Variants in PARD3B observed in about 807,000 individuals in gnomAD.
The protein encoded by PARD3B is partitioning defective 3 homolog B.
PARD3B carries 103 observed loss-of-function variants against 130.2 expected under a neutral mutation model. The ratio of observed to expected loss-of-function variants is 0.79; its 90% CI spans 0.67 to 0.93. The LOEUF is 0.93. Ranked by LOEUF, PARD3B falls within the 40% of genes least tolerant of loss-of-function variation. The probability of loss-of-function intolerance (pLI) is 0.00; values close to 1 mark genes in which losing one functional copy is unlikely to be tolerated. For synonymous variants in PARD3B, 583 were observed against 553.2 expected, an observed-to-expected ratio of 1.05 and a Z score of -0.76; for missense variants, 1,609 against 1,499.2, an observed-to-expected ratio of 1.07 and a Z score of -1.21.
rs1260745888 is a variant in PARD3B, at chr2:205,291,884, A to G, written c.2186-8646A>G. Among the ~76,000 whole-genome samples, 5 of 152,234 alleles carry G rather than the reference A, an allele frequency of 3.3e-5. No individual in the cohort carries two copies. The highest frequency in any genetic ancestry group is 5.9e-5 in the Non-Finnish European group (4 of 68,038). On this transcript the variant is annotated intron_variant, in intron 16 of 22. Transcript: ENST00000406610. The surrounding 1 kb of genome is among the most constrained non-coding windows in gnomAD (Gnocchi z 4.6). ...GCCATCTCAGCAGAAGCCAGGAGCT[A>G]TTCTCCAGGACAATGGAAGAATGAC...
chr2:204,764,781 C>T (rs184954175), intron 2 of PARD3B, among the ~76,000 whole-genome samples: 50 of 149,624 alleles, frequency 3.3e-4, no homozygotes, highest in Admixed American at 6.7e-4. Context: ...TAGGCTTGGA[C>T]AGGACAGGCA....
chr2:204,626,057 G>T (rs1348824463), intron 1 of PARD3B, among the ~76,000 whole-genome samples: 5 of 152,014 alleles, frequency 3.3e-5, no homozygotes. Flanking sequence ...GTCATTTTTT[G>T]GAAAATTTAA....
At chr2:205,102,869 C>T (rs920109803) in intron 4 of PARD3B, among the ~76,000 whole-genome samples, 1 of 151,928 alleles carries the variant, frequency 6.6e-6, no homozygotes, top group African/African-American at 2.4e-5. Flanking sequence ...TTGAGACCAT[C>T]CTGGCTAACA....
intron 18 of PARD3B, among the ~76,000 whole-genome samples, chr2:205,349,015 A>G (rs1367770621): frequency 6.6e-6 from 1 of 152,180 alleles, no homozygotes; most frequent in Non-Finnish European, 1.5e-5. Context: ...TTGTATATGT[A>G]CTGGCTCATT....
chr2:205,452,602 G>C (rs1242231072), intron 20 of PARD3B, among the ~76,000 whole-genome samples: 1 of 152,114 alleles, frequency 6.6e-6, no homozygotes, highest in Non-Finnish European at 1.5e-5. Flanking sequence ...AAGAATCTCT[G>C]TGACCAGATA....
intron 3 of PARD3B, among the ~76,000 whole-genome samples, chr2:205,000,336 A>G (rs1011097248): frequency 5.9e-5 from 9 of 152,206 alleles, no homozygotes; most frequent in Non-Finnish European, 1.3e-4. Context: ...GGTGTCACAC[A>G]TAAAATCTGT....
intron 14 of PARD3B, among the ~76,000 whole-genome samples, chr2:205,189,482 C>A (rs912831103): frequency 6.6e-6 from 1 of 152,154 alleles, no homozygotes; most frequent in East Asian, 1.9e-4. Context: ...GCTGAAAACA[C>A]GGCCTTTATC....
chr2:205,265,109 A>C lies in PARD3B; in HGVS notation c.2185+19287A>C, dbSNP rs2040455624. Among the ~76,000 whole-genome samples the C allele has an allele frequency of 1.3e-5, 2 of 151,966 alleles. No individual in the cohort carries two copies. Among genetic ancestry groups the C allele is most frequent in the African/African-American group, 4.8e-5 (2 of 41,420 alleles). On this transcript the variant is annotated intron_variant, in intron 16 of 22. Coordinates refer to ENST00000406610, the MANE Select transcript of PARD3B (RefSeq NM_001302769.2). This position sits in a 1 kb window ranked among gnomAD's most constrained non-coding sequence, Gnocchi z 4.3. Reference sequence around the variant, plus strand: ...TGGCACCAATAGCTTACTTCAAATAAATTAATACTTCATTTTTTAGGCAAG... The same window carrying C: ...TGGCACCAATAGCTTACTTCAAATACATTAATACTTCATTTTTTAGGCAAG...
intron 3 of PARD3B, among the ~76,000 whole-genome samples, chr2:205,031,145 G>A (rs554862401): frequency 3.9e-5 from 6 of 152,242 alleles, no homozygotes; most frequent in Admixed American, 1.3e-4. Flanking sequence ...CTGTGTACGT[G>A]AAAGGAACAA....
chr2:204,817,553 A>T (rs1457366830), intron 2 of PARD3B, among the ~76,000 whole-genome samples: 8 of 152,068 alleles, frequency 5.3e-5, no homozygotes, highest in Admixed American at 5.2e-4. Context: ...GTGCATGTTA[A>T]CACTATTATG....
rs2040949802 is a variant in PARD3B, at chr2:205,276,400, C to G, written c.2186-24130C>G. 6.6e-6 allele frequency among the ~76,000 whole-genome samples: 1 copy of G among 152,180 alleles called. No individual in the cohort carries two copies. The highest frequency in any genetic ancestry group is 1.5e-5 in the Non-Finnish European group (1 of 68,028). On this transcript the variant is annotated intron_variant, in intron 16 of 22. Coordinates refer to ENST00000406610, the MANE Select transcript of PARD3B (RefSeq NM_001302769.2). This position sits in a 1 kb window ranked among gnomAD's most constrained non-coding sequence, Gnocchi z 5.0. ...AGCATTTGTGGTATTTTCCTCCTTT[C>G]TTTTCTTATTTATCCTTAACAGAAG...
chr2:205,487,355 TGTAA>T (rs2049484068), intron 20 of PARD3B, among the ~76,000 whole-genome samples: 1 of 152,200 alleles, frequency 6.6e-6, no homozygotes, highest in South Asian at 2.1e-4. Context: ...AGCATTGTTG[TGTAA>T]GTAAGAAACT....
chr2:205,578,229 G>A (rs1048929747), intron 22 of PARD3B, among the ~76,000 whole-genome samples: 6 of 152,206 alleles, frequency 3.9e-5, no homozygotes, highest in East Asian at 3.9e-4. Context: ...ACAGTGTTAC[G>A]AGTGCATTAG....
intron 2 of PARD3B, among the ~76,000 whole-genome samples, chr2:204,781,282 A>T (rs572594604): frequency 6.6e-6 from 1 of 152,268 alleles, no homozygotes; most frequent in South Asian, 2.1e-4. Flanking sequence ...CAAATTAATG[A>T]CTTTCATGTA....
chr2:204,596,899 C>G (rs911911750), intron 1 of PARD3B, among the ~76,000 whole-genome samples: 34 of 151,336 alleles, frequency 2.2e-4, no homozygotes, highest in Non-Finnish European at 4.4e-4. Context: ...GCCTGGGCAA[C>G]AAGAGAGAAA....
Position 205,530,366 on chromosome 2 carries a change from A to G in PARD3B, c.3181-22958A>G, listed in dbSNP as rs2051536407. Among the ~76,000 whole-genome samples the G allele has an allele frequency of 6.6e-6, 1 of 152,224 alleles. No homozygotes were observed. The highest frequency in any genetic ancestry group is 1.5e-5 in the Non-Finnish European group (1 of 68,052). ...CATCATAAGGATGTTGATGTAATTT[A>G]CATGTAATGCCACTTTGTAGTCAGT... On this transcript the variant is annotated intron_variant, in intron 21 of 22. Transcript: ENST00000406610. This position sits in a 1 kb window ranked among gnomAD's most constrained non-coding sequence, Gnocchi z 4.7.
chr2:204,747,394 A>G (rs2040284484), intron 2 of PARD3B, among the ~76,000 whole-genome samples: 1 of 152,196 alleles, frequency 6.6e-6, no homozygotes, highest in South Asian at 2.1e-4. Context: ...GGACCTCTTC[A>G]AGGGGAACTA....
At chr2:204,578,461 A>T (rs184096620) in intron 1 of PARD3B, among the ~76,000 whole-genome samples, 2 of 152,080 alleles carry the variant, frequency 1.3e-5, no homozygotes, top group South Asian at 4.1e-4. Flanking sequence ...GTATATATAT[A>T]TTTTTTGTGT....
intron 2 of PARD3B, among the ~76,000 whole-genome samples, chr2:204,778,352 A>G (rs1395014084): frequency 6.6e-6 from 1 of 152,172 alleles, no homozygotes; most frequent in African/African-American, 2.4e-5. Flanking sequence ...AAAAAAAAAG[A>G]CACTGGCTGA....
Sources: gnomAD v4.1 joint callset for allele counts (sites outside exome capture counted in the v4.1 genomes callset) on GRCh38, gnomAD v4.1.1 for gene constraint, Gnocchi (gnomAD v3.1) non-coding constraint, MANE v1.5 for transcripts, NCBI Gene and HGNC (gene_info 2026-07-23, HGNC 2026-07-21) for gene names.